FHIT: variants seen among roughly 807,000 people sequenced by gnomAD.
The protein encoded by FHIT is fragile histidine triad diadenosine triphosphatase.
Under a neutral mutation model 17.9 loss-of-function variants are expected in FHIT, and 19 were observed. The observed-to-expected ratio is 1.06, with a 90% CI of 0.74 to 1.56. The LOEUF is 1.56. Ranked by LOEUF, FHIT falls within the 40% of genes most tolerant of loss-of-function variation. The pLI is 0.00. For missense variants in FHIT, 248 were observed against 189.2 expected, an observed-to-expected ratio of 1.31 and a Z score of -1.82; for synonymous variants, 81 against 69.7, an observed-to-expected ratio of 1.16 and a Z score of -0.81.
intron 4 of FHIT, among the ~76,000 whole-genome samples, chr3:60,682,592 T>C (rs1457952404): frequency 6.6e-6 from 1 of 152,184 alleles, no homozygotes; most frequent in African/African-American, 2.4e-5. Context: ...TTGAGACCTA[T>C]TGCTCAGAAA....
chr3:60,675,383 C>A (rs1387365141), intron 4 of FHIT, among the ~76,000 whole-genome samples: 1 of 152,164 alleles, frequency 6.6e-6, no homozygotes, highest in Non-Finnish European at 1.5e-5. Flanking sequence ...TTTCTCTTAC[C>A]ATGTTCTCAG....
At chr3:59,982,375 A>G (rs1325791512) in intron 7 of FHIT, among the ~76,000 whole-genome samples, 1 of 152,186 alleles carries the variant, frequency 6.6e-6, no homozygotes, top group Non-Finnish European at 1.5e-5. Flanking sequence ...CACAGAAGAA[A>G]AAAAAAATTA....
At chr3:59,865,966 A>G (rs945613352) in intron 8 of FHIT, among the ~76,000 whole-genome samples, 2 of 152,210 alleles carry the variant, frequency 1.3e-5, no homozygotes, top group African/African-American at 4.8e-5. Context: ...TCTGTTTTAT[A>G]TACCACAGTT....
At chr3:60,438,690 T>C (rs745412776) in intron 5 of FHIT, among the ~76,000 whole-genome samples, 1 of 152,156 alleles carries the variant, frequency 6.6e-6, no homozygotes, top group Non-Finnish European at 1.5e-5. Flanking sequence ...ACTATTCCTG[T>C]TTAATAATCA....
intron 2 of FHIT, among the ~76,000 whole-genome samples, chr3:61,100,236 G>GGGGGTCC (rs2035774679): frequency 1.3e-5 from 2 of 152,122 alleles, no homozygotes; most frequent in African/African-American, 2.4e-5. Flanking sequence ...ACAGGACCCA[G>GGGGGTCC]TGTGTGATGT....
intron 5 of FHIT, among the ~76,000 whole-genome samples, chr3:60,361,786 C>T (rs1232637402): frequency 6.6e-6 from 1 of 152,178 alleles, no homozygotes; most frequent in Non-Finnish European, 1.5e-5. Flanking sequence ...TCTCTCCTGA[C>T]TCGTACAAAC....
At chr3:60,161,353 C>G (rs990012858) in intron 5 of FHIT, among the ~76,000 whole-genome samples, 2 of 152,178 alleles carry the variant, frequency 1.3e-5, no homozygotes, top group Non-Finnish European at 2.9e-5. Flanking sequence ...ATGGCCAATC[C>G]TGAATAAATG....
chr3:60,777,126 T>G (rs1700237962), intron 4 of FHIT, among the ~76,000 whole-genome samples: 1 of 152,198 alleles, frequency 6.6e-6, no homozygotes, highest in Non-Finnish European at 1.5e-5. Flanking sequence ...TAACTTTTGG[T>G]AATGTTGACA....
intron 2 of FHIT, among the ~76,000 whole-genome samples, chr3:61,104,247 T>C (rs897362315): frequency 3.3e-5 from 5 of 152,216 alleles, no homozygotes; most frequent in African/African-American, 1.2e-4. Flanking sequence ...CAGGAGATCT[T>C]GTAAGGCAGG....
At chr3:60,497,413 C>T (rs1270124485) in intron 5 of FHIT, among the ~76,000 whole-genome samples, 1 of 152,186 alleles carries the variant, frequency 6.6e-6, no homozygotes, top group Non-Finnish European at 1.5e-5. Context: ...TGAAATATCT[C>T]TTTAATCAGT....
chr3:60,861,156 C>CATATCATATATG (rs1703801970), intron 3 of FHIT, among the ~76,000 whole-genome samples: 1 of 6,496 alleles, frequency 1.5e-4, no homozygotes, highest in Non-Finnish European at 2.8e-4. Flanking sequence ...GATCTATATA[C>CATATCATATATG]ATATATATCA....
chr3:60,940,158 T>C (rs546248375), intron 3 of FHIT, among the ~76,000 whole-genome samples: 3 of 152,158 alleles, frequency 2.0e-5, no homozygotes, highest in South Asian at 2.1e-4. Context: ...TGATTTATCA[T>C]AGTTTTATGC....
At chr3:60,190,996 G>A (rs1702380540) in intron 5 of FHIT, among the ~76,000 whole-genome samples, 1 of 151,932 alleles carries the variant, frequency 6.6e-6, no homozygotes, top group East Asian at 1.9e-4. Context: ...TGACTGGGAG[G>A]CCCTGGGAAG....
At chr3:60,351,672 C>CTA (rs1005045783) in intron 5 of FHIT, among the ~76,000 whole-genome samples, 3 of 152,202 alleles carry the variant, frequency 2.0e-5, no homozygotes, top group Non-Finnish European at 4.4e-5. Flanking sequence ...GCAAGATAAA[C>CTA]ATTCCTATAG....
chr3:60,851,488 C>CAT (rs1703152655), intron 3 of FHIT, among the ~76,000 whole-genome samples: 1 of 152,106 alleles, frequency 6.6e-6, no homozygotes, highest in East Asian at 1.9e-4. Context: ...TTCTAAGAGG[C>CAT]ATATATTCAT....
intron 5 of FHIT, among the ~76,000 whole-genome samples, chr3:60,319,000 C>T (rs962394680): frequency 4.6e-5 from 7 of 152,126 alleles, no homozygotes; most frequent in African/African-American, 1.7e-4. Flanking sequence ...ACATGGCCTG[C>T]TCTCTGATTC....
intron 8 of FHIT, among the ~76,000 whole-genome samples, chr3:59,830,101 C>G (rs1003509921): frequency 1.3e-5 from 2 of 151,922 alleles, no homozygotes; most frequent in African/African-American, 4.8e-5. Flanking sequence ...ACAACCCCCC[C>G]CTCAAAAGTT....
At chr3:60,136,714 C>T (rs1033905334) in intron 5 of FHIT, among the ~76,000 whole-genome samples, 3 of 152,154 alleles carry the variant, frequency 2.0e-5, no homozygotes, top group East Asian at 1.9e-4. Flanking sequence ...GTTGTTAAGA[C>T]CGCACATTGC....
intron 5 of FHIT, among the ~76,000 whole-genome samples, chr3:60,512,018 C>A (rs946883904): frequency 2.0e-5 from 3 of 152,020 alleles, no homozygotes; most frequent in Non-Finnish European, 4.4e-5. Flanking sequence ...TTCTTCCTTA[C>A]AGAATAATGT....
Sources: gnomAD v4.1 joint callset for allele counts (sites outside exome capture counted in the v4.1 genomes callset) on GRCh38, gnomAD v4.1.1 for gene constraint, MANE v1.5 for transcripts, NCBI Gene and HGNC (gene_info 2026-07-23, HGNC 2026-07-21) for gene names.